The following LMOD1 variants were observed in gnomAD, a reference collection of about 807,000 sequenced individuals.
LMOD1 encodes leiomodin 1, also known as leiomodin-1.
In LMOD1, 8 loss-of-function variants were observed where a neutral mutation model predicts 36.5. The ratio of observed to expected loss-of-function variants is 0.22; its 90% CI spans 0.13 to 0.40. The LOEUF (loss-of-function observed/expected upper bound fraction) is 0.40, where lower values mean the gene tolerates loss of function less well. LMOD1 is among the 10% of genes least tolerant of loss of function. The probability of loss-of-function intolerance (pLI) is 1.00; values close to 1 mark genes in which losing one functional copy is unlikely to be tolerated. For synonymous variants in LMOD1, 284 were observed against 288.7 expected, an observed-to-expected ratio of 0.98 and a Z score of 0.17; for missense variants, 630 against 751.1, an observed-to-expected ratio of 0.84 and a Z score of 1.88.
intron 1 of LMOD1, among the ~76,000 whole-genome samples, chr1:201,942,674 CTT>C (rs201638308): frequency 6.9e-6 from 1 of 144,870 alleles, no homozygotes. Flanking sequence ...TTCTTTCTTT[CTT>C]TTTTTTTTTT....
rs879939229 is a variant in LMOD1 at position 201,924,697 on chromosome 1, GAAAGAAAGAAAGAAAGAAAGAA to G, written c.261+21361_261+21382del. ...AGAAAGAAAGAAAGAAAGAAAGAAAGAAAGAAAGAAAGAAAGAAAGAAAGAAAGAAAGAAAAGAAAGAAATAG... is the reference window on the plus strand; with the variant it reads ...AGAAAGAAAGAAAGAAAGAAAGAAAGAGAAAGAAAGAAAAGAAAGAAATAG... On this transcript the variant is annotated intron_variant, in intron 1 of 2. Transcript: ENST00000367288. 6.2e-3 allele frequency among the ~76,000 whole-genome samples: 790 copies of G among 128,390 alleles called. 14 individuals are homozygous for G. Among genetic ancestry groups the G allele is most frequent in the Middle Eastern group, 0.023 (6 of 266 alleles). 84.2% of individuals were successfully genotyped at this position (128,390 alleles called of 152,430 possible).
At chr1:201,922,246 C>A (rs1681718387) in intron 1 of LMOD1, among the ~76,000 whole-genome samples, 2 of 152,106 alleles carry the variant, frequency 1.3e-5, no homozygotes, top group Non-Finnish European at 2.9e-5. Flanking sequence ...TCAATACAGA[C>A]CCAAGAGAAT....
chr1:201,943,531 TCC>T (rs1682155257), intron 1 of LMOD1, among the ~76,000 whole-genome samples: 1 of 152,138 alleles, frequency 6.6e-6, no homozygotes. Context: ...GTGTTGGTGG[TCC>T]CCACTCTGAG....
At position 201,897,772 on chromosome 1, in the gene LMOD1, ACTC is replaced by A. The variant is rs1681219587; in HGVS notation, c.*597_*599del. Reference sequence around the variant, plus strand: ...TTCAAGTCCAGCTGCTGTCTGTCCCACTCCTCCTGTCTGGAGCCTACTCCCATC... The same window carrying A: ...TTCAAGTCCAGCTGCTGTCTGTCCCACTCCTGTCTGGAGCCTACTCCCATC... On this transcript the variant is annotated 3_prime_UTR_variant, in exon 3 of 3. Coordinates refer to ENST00000367288, the MANE Select transcript of LMOD1 (RefSeq NM_012134.3). 1 of 152,584 alleles carries A rather than the reference ACTC, an allele frequency of 6.6e-6. No homozygotes were observed. The highest frequency in any genetic ancestry group is 2.4e-5 in the African/African-American group (1 of 41,318). 9.5% of individuals were successfully genotyped at this position (152,584 alleles called of 1,614,324 possible). A position where few individuals can be genotyped will look rare whatever the true frequency, so the allele number is the denominator to read the frequency against.
rs766631353 is a variant in LMOD1, at chr1:201,900,089, C to T, written c.924G>A (p.Lys308=). ...GPTKPSEGPA[K]VEEEAAPSIF... is the part of the protein sequence containing the mutation. ...TGCTGGGAGCTGCCTCCTCCTCCAC[C>T]TTGGCCGGTCCTTCAGAGGGCTTGG... is the stretch of plus-strand genomic sequence containing the variant. The change falls in exon 2 of 3, where the codon AAG becomes AAA. Residue 308 remains lysine, a synonymous_variant. Coordinates refer to ENST00000367288, the MANE Select transcript of LMOD1 (RefSeq NM_012134.3). 2.7e-5 allele frequency: 43 copies of T among 1,613,844 alleles called. No homozygotes were observed. Among genetic ancestry groups the T allele is most frequent in the Non-Finnish European group, 3.6e-5 (43 of 1,179,888 alleles).
chr1:201,917,549 C>A (rs182073848), intron 1 of LMOD1, among the ~76,000 whole-genome samples: 1 of 152,364 alleles, frequency 6.6e-6, no homozygotes, highest in Admixed American at 6.5e-5. Context: ...CTCAGCAGAA[C>A]TAAATGCTTT....
chr1:201,935,484 C>G (rs1682000693), intron 1 of LMOD1, among the ~76,000 whole-genome samples: 1 of 152,116 alleles, frequency 6.6e-6, no homozygotes, highest in South Asian at 2.1e-4. Context: ...TAAAGGACAT[C>G]AAATTTGGCC....
At position 201,899,678 on chromosome 1, in the gene LMOD1, A is replaced by G. The variant is rs1430007217; in HGVS notation, c.1335T>C (p.Thr445=). Residue 445 remains threonine (T), a synonymous_variant, in exon 2 of 3, where the codon ACT becomes ACC. Coordinates refer to ENST00000367288, the MANE Select transcript of LMOD1 (RefSeq NM_012134.3). The surrounding 1 kb of genome is among the most constrained non-coding windows in gnomAD (Gnocchi z 6.3). ...MEIAKLLKEN[T]TLLKLGYHFE... is the part of the protein sequence containing the mutation. ...AATGGTAGCCCAGCTTGAGCAGGGTAGTATTCTCCTTCAGCAGCTTGGCGA... is the reference window on the plus strand; with the variant it reads ...AATGGTAGCCCAGCTTGAGCAGGGTGGTATTCTCCTTCAGCAGCTTGGCGA... 1 of 1,614,000 alleles carries G rather than the reference A, an allele frequency of 6.2e-7. No individual in the cohort carries two copies.
chr1:201,915,502 T>C (rs1229505864), intron 1 of LMOD1, among the ~76,000 whole-genome samples: 1 of 152,050 alleles, frequency 6.6e-6, no homozygotes, highest in East Asian at 1.9e-4. Context: ...CCTGCACTAT[T>C]CCCTATCTGG....
At chr1:201,911,538 G>A (rs1681497280) in intron 1 of LMOD1, among the ~76,000 whole-genome samples, 1 of 152,144 alleles carries the variant, frequency 6.6e-6, no homozygotes, top group Admixed American at 6.5e-5. Flanking sequence ...GGTGGTGGGT[G>A]CCTGTAATCC....
intron 1 of LMOD1, among the ~76,000 whole-genome samples, chr1:201,923,895 G>A (rs545532217): frequency 2.4e-4 from 34 of 140,978 alleles, no homozygotes; most frequent in Admixed American, 2.1e-3. Context: ...GAGAGAGAGA[G>A]AGAGAGAGGG....
In LMOD1 at chr1:201,946,398, GGA is replaced by G; in HGVS notation, c.-60_-59del. 6.4e-7 allele frequency: 1 copy of G among 1,573,388 alleles called. No individual in the cohort carries two copies. The highest frequency in any genetic ancestry group is 8.7e-7 in the Non-Finnish European group (1 of 1,154,356). Reference sequence around the variant, plus strand: ...ATCAGAGTCCTGGTGGGCAGGGAAGGGAGAGGGGTGAGCTGATCTGGATGCAG... The same window carrying G: ...ATCAGAGTCCTGGTGGGCAGGGAAGGGAGGGGTGAGCTGATCTGGATGCAG... On this transcript the variant is annotated 5_prime_UTR_variant, in exon 1 of 3. Transcript: ENST00000367288.
rs1231970176 is a variant in LMOD1, at chr1:201,897,962, C to T, written c.*410G>A. 2.2e-5 allele frequency: 4 copies of T among 183,696 alleles called. No individual in the cohort carries two copies. Among genetic ancestry groups the T allele is most frequent in the South Asian group, 1.4e-4 (1 of 6,960 alleles). 11.4% of individuals were successfully genotyped at this position (183,696 alleles called of 1,614,324 possible). A position where few individuals can be genotyped will look rare whatever the true frequency, so the allele number is the denominator to read the frequency against. On this transcript the variant is annotated 3_prime_UTR_variant, in exon 3 of 3. Transcript: ENST00000367288. ...TGCCACTGGCCCAGCAGCTTTGCCC[C>T]GTGGGCTCCTCAGAGGCCTGAATCC... is the stretch of plus-strand genomic sequence containing the variant.
intron 1 of LMOD1, among the ~76,000 whole-genome samples, chr1:201,923,883 AAGAGAGAGAG>A (rs137961777): frequency 7.1e-6 from 1 of 140,324 alleles, no homozygotes; most frequent in East Asian, 2.1e-4. Flanking sequence ...AAAGAAGAAA[AAGAGAGAGAG>A]AGAGAGAGAG....
At chr1:201,926,938 C>T (rs1681835252) in intron 1 of LMOD1, among the ~76,000 whole-genome samples, 1 of 152,026 alleles carries the variant, frequency 6.6e-6, no homozygotes, top group Admixed American at 6.5e-5. Context: ...GCCTGGGCAA[C>T]AGAGCAAGAC....
At chr1:201,933,843 C>T (rs559156324) in intron 1 of LMOD1, among the ~76,000 whole-genome samples, 10 of 151,680 alleles carry the variant, frequency 6.6e-5, no homozygotes, top group Non-Finnish European at 1.2e-4. Context: ...GAAATATGGA[C>T]AAGGCAATAA....
chr1:201,921,381 G>C, intron 1 of LMOD1, among the ~76,000 whole-genome samples: 1 of 150,316 alleles, frequency 6.7e-6, no homozygotes, highest in East Asian at 2.0e-4. Flanking sequence ...CCAGCTACTC[G>C]TGAGGCTGAG....
At chr1:201,937,314 G>A (rs946279711) in intron 1 of LMOD1, among the ~76,000 whole-genome samples, 2 of 151,838 alleles carry the variant, frequency 1.3e-5, no homozygotes, top group African/African-American at 2.4e-5. Flanking sequence ...GGGCGCGGTG[G>A]GACACACCTG....
At chr1:201,936,833 G>A (rs377280320) in intron 1 of LMOD1, among the ~76,000 whole-genome samples, 7 of 152,136 alleles carry the variant, frequency 4.6e-5, no homozygotes, top group African/African-American at 1.4e-4. Flanking sequence ...CCACCTACTC[G>A]GGAGGCTGAG....
Sources: allele counts gnomAD v4.1 joint callset (sites outside exome capture counted in the v4.1 genomes callset), GRCh38; gene constraint gnomAD v4.1.1; non-coding constraint Gnocchi (gnomAD v3.1); transcripts MANE v1.5; gene names NCBI Gene and HGNC (gene_info 2026-07-23, HGNC 2026-07-21).